PIGK: variants seen among roughly 807,000 people sequenced by gnomAD.
PIGK encodes phosphatidylinositol glycan anchor biosynthesis class K.
A neutral mutation model predicts 50.6 loss-of-function variants in PIGK; 42 were observed. That is an observed-to-expected ratio of 0.83 (90% CI 0.65 to 1.07). The LOEUF (loss-of-function observed/expected upper bound fraction) is 1.07. Among genes scored for constraint, PIGK ranks in the 50% least tolerant of loss-of-function variants. The pLI, the probability that PIGK is intolerant of heterozygous loss-of-function variation, is 0.00. For missense variants in PIGK, 448 were observed against 488.7 expected, an observed-to-expected ratio of 0.92 and a Z score of 0.78; for synonymous variants, 151 against 156.0, an observed-to-expected ratio of 0.97 and a Z score of 0.24.
intron 3 of PIGK, among the ~76,000 whole-genome samples, chr1:77,199,343 A>T (rs1340356241): frequency 6.6e-6 from 1 of 152,110 alleles, no homozygotes; most frequent in Non-Finnish European, 1.5e-5. Flanking sequence ...ACATAAGTAT[A>T]CTTATTCAAA....
At chr1:77,176,650 G>A (rs1218759451) in intron 3 of PIGK, among the ~76,000 whole-genome samples, 1 of 152,086 alleles carries the variant, frequency 6.6e-6, no homozygotes, top group Non-Finnish European at 1.5e-5. Context: ...TGAAAGGATG[G>A]AAAGAACCTG....
At position 77,161,862 on chromosome 1, in the gene PIGK, T is replaced by G. The variant is rs745759315; in HGVS notation, c.585-151A>C. 2.1e-4 allele frequency: 132 copies of G among 617,044 alleles called. 4 individuals are homozygous for G. In the South Asian group the frequency reaches 2.4e-3, roughly 11 times the overall value. 38.2% of individuals were successfully genotyped at this position (617,044 alleles called of 1,614,324 possible). On this transcript the variant is annotated intron_variant, in intron 6 of 10. Coordinates refer to ENST00000370812, the MANE Select transcript of PIGK (RefSeq NM_005482.3). ...CAGAATTCCCAACAGAAATTTGACC[T>G]CAGAAAAGTTAAAGGTATAAATTTG...
chr1:77,104,416 T>C (rs1249061782), intron 10 of PIGK, among the ~76,000 whole-genome samples: 1 of 152,000 alleles, frequency 6.6e-6, no homozygotes, highest in Admixed American at 6.6e-5. Flanking sequence ...AATATGAAAT[T>C]TCATTTCATA....
intron 3 of PIGK, among the ~76,000 whole-genome samples, chr1:77,171,269 T>C (rs1047308676): frequency 2.0e-5 from 3 of 151,094 alleles, no homozygotes; most frequent in African/African-American, 7.3e-5. Context: ...ACCCTGTCTC[T>C]ACTAAAAATA....
At chr1:77,195,752 A>T (rs983729697) in intron 3 of PIGK, among the ~76,000 whole-genome samples, 26 of 152,108 alleles carry the variant, frequency 1.7e-4, no homozygotes, top group African/African-American at 5.6e-4. Context: ...TCTACTTTTT[A>T]TGACCTTTCA....
chr1:77,201,477 T>C (rs1183459153), intron 3 of PIGK, among the ~76,000 whole-genome samples: 3 of 152,146 alleles, frequency 2.0e-5, no homozygotes, highest in East Asian at 3.9e-4. Flanking sequence ...AAATCAACTA[T>C]AGCTGGGCAC....
intron 9 of PIGK, among the ~76,000 whole-genome samples, chr1:77,122,972 C>T (rs756455614): frequency 2.3e-4 from 35 of 151,694 alleles, no homozygotes; most frequent in Non-Finnish European, 4.7e-4. Flanking sequence ...TAATATTTAT[C>T]AAAAAGACTC....
chr1:77,136,401 C>T (rs1438928081), intron 9 of PIGK, among the ~76,000 whole-genome samples: 1 of 150,478 alleles, frequency 6.6e-6, no homozygotes, highest in Non-Finnish European at 1.5e-5. Context: ...TAGTGGCGGG[C>T]GCCTGTAGTC....
At chr1:77,129,440 A>T in intron 9 of PIGK, 1 of 1,461,664 alleles carries the variant, frequency 6.8e-7, no homozygotes, top group Non-Finnish European at 9.4e-7. Flanking sequence ...GTTTAGATGT[A>T]GATTCTCTGG....
chr1:77,129,024 C>A, intron 9 of PIGK: 2 of 742,030 alleles, frequency 2.7e-6, no homozygotes, highest in Non-Finnish European at 5.0e-6. Flanking sequence ...TGCATATTTA[C>A]AACTGAGACC....
At chr1:77,185,520 G>T (rs934485056) in intron 3 of PIGK, among the ~76,000 whole-genome samples, 2 of 152,186 alleles carry the variant, frequency 1.3e-5, no homozygotes, top group East Asian at 3.8e-4. Flanking sequence ...AGGATAAGTT[G>T]CTGCATTTGG....
At chr1:77,111,241 G>A (rs972796590) in intron 10 of PIGK, among the ~76,000 whole-genome samples, 3 of 152,130 alleles carry the variant, frequency 2.0e-5, no homozygotes, top group Non-Finnish European at 2.9e-5. Flanking sequence ...ATTTGACCCA[G>A]CCATCCTATT....
chr1:77,175,213 C>T (rs1266645609), intron 3 of PIGK, among the ~76,000 whole-genome samples: 2 of 152,130 alleles, frequency 1.3e-5, no homozygotes, highest in African/African-American at 4.8e-5. Flanking sequence ...ATTTACCTAT[C>T]TTGGAAATGA....
chr1:77,198,944 GGA>G lies in PIGK; in HGVS notation c.239+7694_239+7695del, dbSNP rs1414505561. On this transcript the variant is annotated intron_variant, in intron 3 of 10. Coordinates refer to ENST00000370812, the MANE Select transcript of PIGK (RefSeq NM_005482.3). ...CCATTCTAAAAAAGAATAAAGCCAA[GGA>G]AATGAAGTTAACAGATATAAAGATA... Among the ~76,000 whole-genome samples, 4 of 151,986 alleles carry G rather than the reference GGA, an allele frequency of 2.6e-5. No individual in the cohort carries two copies. In the East Asian group the frequency reaches 7.7e-4, roughly 29 times the overall value.
At chr1:77,102,968 TGAAA>T (rs1354216481) in intron 10 of PIGK, among the ~76,000 whole-genome samples, 1 of 152,082 alleles carries the variant, frequency 6.6e-6, no homozygotes, top group Non-Finnish European at 1.5e-5. Context: ...ACACTGAGGG[TGAAA>T]GAAAGAGGGA....
At chr1:77,106,700 T>A (rs1653686813) in intron 10 of PIGK, among the ~76,000 whole-genome samples, 1 of 151,942 alleles carries the variant, frequency 6.6e-6, no homozygotes, top group South Asian at 2.1e-4. Flanking sequence ...AGCACGCTAA[T>A]GTTTATTGTC....
At chr1:77,133,448 T>C (rs766572840) in intron 9 of PIGK, among the ~76,000 whole-genome samples, 11 of 152,230 alleles carry the variant, frequency 7.2e-5, no homozygotes, top group Non-Finnish European at 1.3e-4. Flanking sequence ...AGTTTTTGTC[T>C]ACTACCTCCA....
At chr1:77,141,843 T>C (rs1418462164) in intron 9 of PIGK, among the ~76,000 whole-genome samples, 1 of 152,160 alleles carries the variant, frequency 6.6e-6, no homozygotes, top group Non-Finnish European at 1.5e-5. Flanking sequence ...AAATTTTGAT[T>C]TTTTTGATTA....
chr1:77,143,184 T>C (rs915427578), intron 9 of PIGK, among the ~76,000 whole-genome samples: 1 of 152,142 alleles, frequency 6.6e-6, no homozygotes, highest in Non-Finnish European at 1.5e-5. Context: ...GAAATAAAGA[T>C]TGTCTTATTA....
Sources: allele counts gnomAD v4.1 joint callset (sites outside exome capture counted in the v4.1 genomes callset), GRCh38; gene constraint gnomAD v4.1.1; transcripts MANE v1.5; gene names NCBI Gene and HGNC (gene_info 2026-07-23, HGNC 2026-07-21).